ALMS1: variants seen among roughly 807,000 people sequenced by gnomAD.
The protein encoded by ALMS1 is centrosome-associated protein ALMS1.
In ALMS1, 271 loss-of-function variants were observed where a neutral mutation model predicts 352.2. The observed-to-expected ratio is 0.77, with a 90% confidence interval of 0.70 to 0.85. ALMS1 has a LOEUF of 0.85. Ranked by LOEUF, ALMS1 falls within the 40% of genes least tolerant of loss-of-function variation. The probability of loss-of-function intolerance (pLI) is 0.00; values close to 1 mark genes in which losing one functional copy is unlikely to be tolerated. For missense variants in ALMS1, 5,445 were observed against 4,870.7 expected (o/e 1.12, Z -3.51); for synonymous variants, 1,865 against 1,761.2 (o/e 1.06, Z -1.48).
intron 9 of ALMS1, among the ~76,000 whole-genome samples, chr2:73,465,886 G>T (rs541300504): frequency 6.8e-4 from 103 of 152,320 alleles, no homozygotes; most frequent in African/African-American, 2.4e-3. Context: ...ATGAAAAAAT[G>T]CTCATCATCA....
chr2:73,403,893 A>T (rs937118561), intron 1 of ALMS1, among the ~76,000 whole-genome samples: 1 of 151,964 alleles, frequency 6.6e-6, no homozygotes, highest in Non-Finnish European at 1.5e-5. Context: ...CTGCGGCTTT[A>T]CTGGGTTTAT....
chr2:73,554,341 A>G (rs1473119471), intron 13 of ALMS1, among the ~76,000 whole-genome samples: 1 of 152,066 alleles, frequency 6.6e-6, no homozygotes, highest in Non-Finnish European at 1.5e-5. Context: ...TCTCAAATAT[A>G]TTCAGGAAAA....
At chr2:73,429,386 G>T (rs1334704773) in intron 6 of ALMS1, among the ~76,000 whole-genome samples, 2 of 149,182 alleles carry the variant, frequency 1.3e-5, no homozygotes, top group Admixed American at 1.4e-4. Flanking sequence ...GGTTTAAGCA[G>T]TTGTCCTGCT....
At position 73,480,520 on chromosome 2, in the gene ALMS1, A is replaced by G. The variant is rs1217435543; in HGVS notation, c.7675-9114A>G. Among the ~76,000 whole-genome samples the G allele has an allele frequency of 5.9e-5, 9 of 152,128 alleles. 1 individual carries two copies. In the East Asian group the frequency reaches 1.5e-3, roughly 26 times the overall value. ...TTCCAAGTCTTTGCTATTGTGAATA[A>G]TGCCGCAATAAACATACGTGTGCAT... On this transcript the variant is annotated intron_variant, in intron 9 of 22. Coordinates refer to ENST00000613296, the MANE Select transcript of ALMS1 (RefSeq NM_001378454.1).
At chr2:73,482,998 T>C (rs1229043117) in intron 9 of ALMS1, among the ~76,000 whole-genome samples, 1 of 152,284 alleles carries the variant, frequency 6.6e-6, no homozygotes, top group Non-Finnish European at 1.5e-5. Context: ...GCTAGCAGTC[T>C]TTTGTTGATC....
At chr2:73,598,988 G>A (rs1403152959) in intron 16 of ALMS1, among the ~76,000 whole-genome samples, 1 of 152,174 alleles carries the variant, frequency 6.6e-6, no homozygotes. Flanking sequence ...ATACGTGTTT[G>A]AGTCAGCTCT....
At chr2:73,507,716 G>T (rs578063959) in intron 10 of ALMS1, among the ~76,000 whole-genome samples, 2 of 151,692 alleles carry the variant, frequency 1.3e-5, no homozygotes, top group African/African-American at 2.4e-5. Flanking sequence ...TAATCTTTTC[G>T]AAAAACCAGC....
intron 9 of ALMS1, among the ~76,000 whole-genome samples, chr2:73,483,402 T>C (rs1200424604): frequency 3.3e-5 from 5 of 151,942 alleles, no homozygotes; most frequent in Middle Eastern, 3.4e-3. Flanking sequence ...ATTCTTAATC[T>C]TGAGTTCTAG....
intron 9 of ALMS1, among the ~76,000 whole-genome samples, chr2:73,483,524 T>C (rs1672759545): frequency 6.6e-6 from 1 of 151,604 alleles, no homozygotes; most frequent in Non-Finnish European, 1.5e-5. Flanking sequence ...AGGTGTGGTG[T>C]GGTGCTGAAA....
At chr2:73,401,252 T>C (rs542172309) in intron 1 of ALMS1, among the ~76,000 whole-genome samples, 1 of 152,342 alleles carries the variant, frequency 6.6e-6, no homozygotes, top group South Asian at 2.1e-4. Context: ...CTACTTTTTA[T>C]TTATTTTCTT....
chr2:73,411,681 T>C (rs1055449855), intron 2 of ALMS1, among the ~76,000 whole-genome samples: 1 of 152,256 alleles, frequency 6.6e-6, no homozygotes, highest in East Asian at 1.9e-4. Flanking sequence ...CGTTCATCTT[T>C]GTTACTGTCA....
intron 9 of ALMS1, among the ~76,000 whole-genome samples, chr2:73,477,458 G>A (rs1672606131): frequency 6.6e-6 from 1 of 151,568 alleles, no homozygotes; most frequent in Admixed American, 6.6e-5. Context: ...AGATTATTTT[G>A]GCTGTTCTGG....
intron 7 of ALMS1, among the ~76,000 whole-genome samples, chr2:73,434,829 A>G (rs1295871621): frequency 1.3e-5 from 2 of 152,112 alleles, no homozygotes; most frequent in Non-Finnish European, 2.9e-5. Context: ...TTGGAGACAG[A>G]GTCTTGTTCT....
intron 16 of ALMS1, among the ~76,000 whole-genome samples, chr2:73,588,668 G>A (rs13431504): frequency 0.032 from 4,936 of 152,218 alleles, 273 homozygotes; most frequent in African/African-American, 0.11. Flanking sequence ...AAAAGCTGAA[G>A]ATGGTGAATG....
At chr2:73,525,372 G>A (rs1483140262) in intron 11 of ALMS1, among the ~76,000 whole-genome samples, 1 of 152,126 alleles carries the variant, frequency 6.6e-6, no homozygotes, top group African/African-American at 2.4e-5. Context: ...CTATAGTGTT[G>A]TACTAATTTA....
chr2:73,549,602 C>T (rs938277622), intron 12 of ALMS1, among the ~76,000 whole-genome samples: 4 of 152,086 alleles, frequency 2.6e-5, no homozygotes, highest in Non-Finnish European at 5.9e-5. Context: ...AAATGCCTTT[C>T]TTCCTTCCTC....
chr2:73,577,311 T>C (rs1012520243), intron 16 of ALMS1, among the ~76,000 whole-genome samples: 26 of 152,242 alleles, frequency 1.7e-4, no homozygotes, highest in Non-Finnish European at 3.7e-4. Context: ...TTTTTTTCAT[T>C]ACTGATTCAA....
At position 73,448,133 on chromosome 2, in the gene ALMS1, ACT is replaced by A. The variant is rs1553403282; in HGVS notation, c.1610_1611del (p.Leu537GlnfsTer12). 6.2e-7 allele frequency: 1 copy of A among 1,613,922 alleles called. No individual in the cohort carries two copies. The highest frequency in any genetic ancestry group is 8.5e-7 in the Non-Finnish European group (1 of 1,179,882). On this transcript the variant is annotated frameshift_variant, in exon 8 of 23. Coordinates refer to ENST00000613296, the MANE Select transcript of ALMS1 (RefSeq NM_001378454.1). LOFTEE classifies it high-confidence loss of function. ...LETTTGQHTD[T>X]LNQKTLADTH... Reference sequence around the variant, plus strand: ...AACTACTACTGGTCAACACACTGATACTCTCAACCAAAAGACATTAGCAGATA... The same window carrying A: ...AACTACTACTGGTCAACACACTGATACTCAACCAAAAGACATTAGCAGATA...
chr2:73,519,847 A>C lies in ALMS1; in HGVS notation c.9612A>C (p.Ile3204=), dbSNP rs755456619. Residue 3204 remains isoleucine (I), a synonymous_variant, in exon 11 of 23, where the codon ATA becomes ATC. Transcript: ENST00000613296. ...TGTCATCTGATGCAGTCACTCAGAT[A>C]ACAACAGAAAGTCCAGAAAAGACCC... ...EKLSSDAVTQ[I]TTESPEKTLF... The C allele has an allele frequency of 1.9e-6, 3 of 1,614,012 alleles. No homozygotes were observed. In the Admixed American group the frequency reaches 5.0e-5, roughly 27 times the overall value.
Sources: gnomAD v4.1 joint callset for allele counts (sites outside exome capture counted in the v4.1 genomes callset) on GRCh38, gnomAD v4.1.1 for gene constraint, MANE v1.5 for transcripts, NCBI Gene and HGNC (gene_info 2026-07-23, HGNC 2026-07-21) for gene names.